The following DAB1 variants were observed in gnomAD, a reference collection of about 807,000 sequenced individuals.
The protein encoded by DAB1 is disabled homolog 1.
A neutral mutation model predicts 64.6 loss-of-function variants in DAB1; 15 were observed. The observed-to-expected ratio is 0.23, with a 90% CI of 0.16 to 0.36. The LOEUF (loss-of-function observed/expected upper bound fraction) is 0.36. Ranked by LOEUF, DAB1 falls within the 10% of genes least tolerant of loss-of-function variation. The probability of loss-of-function intolerance (pLI) is 1.00; values close to 1 mark genes in which losing one functional copy is unlikely to be tolerated. For missense variants in DAB1, 596 were observed against 706.7 expected, an observed-to-expected ratio of 0.84 and a Z score of 1.78; for synonymous variants, 235 against 251.9, an observed-to-expected ratio of 0.93 and a Z score of 0.64.
At chr1:58,071,602 G>A (rs1410067972) in intron 5 of DAB1, 1 of 152,096 alleles carries the variant, frequency 6.6e-6, no homozygotes, top group Admixed American at 6.6e-5. Flanking sequence ...TGAGTCTGAA[G>A]AATGAACACA....
chr1:57,924,254 A>T lies in DAB1; in HGVS notation n.388-40092T>A, dbSNP rs148175289. On this transcript the variant is annotated intron_variant and non_coding_transcript_variant, in intron 5 of 20. Coordinates refer to the DAB1 transcript ENST00000485760. ...AGGAGCTGACTATCGGATGGAAGAG[A>T]CAAACAACTTGAAACTTATAACATT... Among the ~76,000 whole-genome samples the T allele has an allele frequency of 2.0e-4, 30 of 152,350 alleles. No individual in the cohort carries two copies. In the East Asian group the frequency reaches 5.0e-3, roughly 25 times the overall value.
chr1:58,067,621 TAATC>T (rs1373831790), intron 5 of DAB1, among the ~76,000 whole-genome samples: 3 of 152,248 alleles, frequency 2.0e-5, no homozygotes, highest in South Asian at 4.1e-4. Flanking sequence ...CTGGTATCTA[TAATC>T]AATCTATCTA....
intron 7 of DAB1, among the ~76,000 whole-genome samples, chr1:57,496,281 T>C (rs1644228882): frequency 6.6e-6 from 1 of 152,146 alleles, no homozygotes; most frequent in Non-Finnish European, 1.5e-5. Flanking sequence ...TGAGGAGTTT[T>C]CAAGCCTTGA....
chr1:57,972,414 T>A (rs570424888), intron 5 of DAB1, among the ~76,000 whole-genome samples: 2 of 152,150 alleles, frequency 1.3e-5, no homozygotes, highest in Admixed American at 1.3e-4. Flanking sequence ...TGTTTTTAAT[T>A]TTATTTTTTG....
At chr1:57,140,862 G>C (rs1658527274) in intron 3 of DAB1, among the ~76,000 whole-genome samples, 1 of 152,154 alleles carries the variant, frequency 6.6e-6, no homozygotes, top group Non-Finnish European at 1.5e-5. Context: ...ATAGAGAAAA[G>C]GTCAGGCATG....
chr1:57,237,382 G>A (rs1668171239), intron 2 of DAB1, among the ~76,000 whole-genome samples: 1 of 152,160 alleles, frequency 6.6e-6, no homozygotes. Context: ...CTGGAGGTAA[G>A]CCAGATAGGA....
chr1:57,404,606 T>G (rs1375178102), intron 1 of DAB1, among the ~76,000 whole-genome samples: 3 of 152,210 alleles, frequency 2.0e-5, no homozygotes, highest in Middle Eastern at 3.4e-3. Flanking sequence ...TTTTTTGTGT[T>G]TTTCAAATTC....
chr1:57,976,449 A>G (rs1015341156), intron 5 of DAB1, among the ~76,000 whole-genome samples: 1 of 152,184 alleles, frequency 6.6e-6, no homozygotes, highest in African/African-American at 2.4e-5. Flanking sequence ...ATGCAATGAC[A>G]CCAAGCCTGT....
In DAB1 at chr1:57,193,682, A is replaced by AT. The variant is rs1017219615; in HGVS notation, c.68-48254dup. On this transcript the variant is annotated intron_variant, in intron 2 of 14. Transcript: ENST00000371236. ...TTGTAGGCTTGAGCCATGCATATGT[A>AT]TTTTTTAAAGCACCAATCAACTTTT... 2.0e-5 allele frequency among the ~76,000 whole-genome samples: 3 copies of AT among 152,090 alleles called. No homozygotes were observed. In the East Asian group the frequency reaches 5.8e-4, roughly 29 times the overall value.
At chr1:57,576,475 T>G (rs1363163541) in intron 7 of DAB1, among the ~76,000 whole-genome samples, 1 of 152,096 alleles carries the variant, frequency 6.6e-6, no homozygotes, top group Non-Finnish European at 1.5e-5. Flanking sequence ...AAGACGACCA[T>G]GTGAAGGAAG....
chr1:58,542,179 C>T (rs1318575041), intron 1 of DAB1, among the ~76,000 whole-genome samples: 1 of 152,176 alleles, frequency 6.6e-6, no homozygotes, highest in Non-Finnish European at 1.5e-5. Context: ...TTTTGAAATA[C>T]AACCAATTTT....
intron 3 of DAB1, among the ~76,000 whole-genome samples, chr1:58,350,498 A>T (rs1569671619): frequency 6.6e-6 from 1 of 152,058 alleles, no homozygotes; most frequent in Admixed American, 6.6e-5. Flanking sequence ...TTTTGTTGCC[A>T]TTGCTTTTGG....
chr1:57,377,629 C>T (rs945149622), intron 1 of DAB1, among the ~76,000 whole-genome samples: 1 of 152,178 alleles, frequency 6.6e-6, no homozygotes, highest in African/African-American at 2.4e-5. Flanking sequence ...TAAGTCCTCC[C>T]TCTTACTACC....
chr1:57,403,668 A>G (rs1248379528), intron 1 of DAB1, among the ~76,000 whole-genome samples: 1 of 152,200 alleles, frequency 6.6e-6, no homozygotes, highest in African/African-American at 2.4e-5. Context: ...ACTAGGGGTT[A>G]AAAGACCAGA....
chr1:58,473,916 GT>G, intron 3 of DAB1: 1 of 1,145,094 alleles, frequency 8.7e-7, no homozygotes. Flanking sequence ...GCTGTTGAGC[GT>G]TAACTCTGCA....
At chr1:57,812,963 C>G (rs17473566) in intron 6 of DAB1, among the ~76,000 whole-genome samples, 1 of 152,066 alleles carries the variant, frequency 6.6e-6, no homozygotes, top group African/African-American at 2.4e-5. Flanking sequence ...CACTACCACA[C>G]GTATAAAACT....
chr1:58,039,035 C>T lies in DAB1; in HGVS notation n.387+111476G>A, dbSNP rs180835609. ...TGCTCCCCACACCAACCCCACTAAG[C>T]CCCGACTCTGTTAACTATGTCTCTT... On this transcript the variant is annotated intron_variant and non_coding_transcript_variant, in intron 5 of 20. Coordinates refer to the DAB1 transcript ENST00000485760. Among the ~76,000 whole-genome samples the T allele has an allele frequency of 2.9e-3, 435 of 152,236 alleles. 1 individual carries two copies. Among genetic ancestry groups the T allele is most frequent in the African/African-American group, 9.7e-3 (404 of 41,536 alleles).
intron 1 of DAB1, among the ~76,000 whole-genome samples, chr1:57,303,022 T>G (rs1377685734): frequency 1.3e-5 from 2 of 152,146 alleles, no homozygotes; most frequent in Admixed American, 1.3e-4. Flanking sequence ...TAAGTGCTGG[T>G]GGAAAGCAGA....
At chr1:58,020,055 C>T (rs1362942638) in intron 5 of DAB1, among the ~76,000 whole-genome samples, 1 of 152,140 alleles carries the variant, frequency 6.6e-6, no homozygotes, top group Non-Finnish European at 1.5e-5. Context: ...ACCTATTTCC[C>T]TCAACTACTA....
Sources: allele counts gnomAD v4.1 joint callset (sites outside exome capture counted in the v4.1 genomes callset), GRCh38; gene constraint gnomAD v4.1.1; transcripts MANE v1.5; gene names NCBI Gene and HGNC (gene_info 2026-07-23, HGNC 2026-07-21).